MRNIP: variants seen among roughly 807,000 people sequenced by gnomAD.
MRNIP encodes MRN complex-interacting protein.
A neutral mutation model predicts 29.8 loss-of-function variants in MRNIP; 30 were observed. The ratio of observed to expected loss-of-function variants is 1.01; its 90% confidence interval spans 0.75 to 1.36. The LOEUF is 1.36. MRNIP is among the 40% of genes most tolerant of loss of function. The pLI is 0.00. For missense variants in MRNIP, 459 were observed against 423.5 expected (o/e 1.08, Z -0.74); for synonymous variants, 201 against 164.1 (o/e 1.23, Z -1.72).
At chr5:179,844,264 G>T in intron 3 of MRNIP, 37 bp from the exon 4 acceptor site, 1 of 1,567,400 alleles carries the variant, frequency 6.4e-7, no homozygotes, top group South Asian at 1.1e-5. Context: ...TTTGAAAAAT[G>T]ACCAGGGGCT....
At position 179,848,046 on chromosome 5, in the gene MRNIP, A is replaced by C; in HGVS notation, c.147T>G (p.Gly49=). Residue 49 remains glycine (G), a synonymous_variant, in exon 3 of 7, where the codon GGT becomes GGG. Coordinates refer to ENST00000292586, the MANE Select transcript of MRNIP (RefSeq NM_016175.4). ...TTTGGACATGGCGTCTACAATCAGC[A>C]CCAGAGCCTTCACCATAAGCCTGAG... The part of the protein sequence containing the change: ...SFLQAYGEGS[G]ADCRRHVQKL... 6.2e-7 allele frequency: 1 copy of C among 1,614,024 alleles called. No individual in the cohort carries two copies. Among genetic ancestry groups the C allele is most frequent in the Non-Finnish European group, 8.5e-7 (1 of 1,179,876 alleles).
chr5:179,851,222 C>A (rs1759352894), intron 2 of MRNIP: 1 of 455,536 alleles, frequency 2.2e-6, no homozygotes. Flanking sequence ...GCCATGCTCA[C>A]CATGTGGGGT....
intron 4 of MRNIP, among the ~76,000 whole-genome samples, chr5:179,843,185 G>GAA (rs1257411872): frequency 6.6e-6 from 1 of 151,918 alleles, no homozygotes; most frequent in Non-Finnish European, 1.5e-5. Context: ...TTTGTTTTTT[G>GAA]AGACGTTGGG....
chr5:179,844,351 G>A (rs770413976), intron 3 of MRNIP, 124 bp from the exon 4 acceptor site: 27 of 737,176 alleles, frequency 3.7e-5, no homozygotes, highest in East Asian at 5.1e-5. Context: ...TCAGGAGTTC[G>A]AGACAAGTCT....
At position 179,837,339 on chromosome 5, in the gene MRNIP, A is replaced by C. The variant is rs1328205017; in HGVS notation, c.*52T>G. 6.3e-7 allele frequency: 1 copy of C among 1,585,242 alleles called. No individual in the cohort carries two copies. Among genetic ancestry groups the C allele is most frequent in the East Asian group, 2.2e-5 (1 of 44,654 alleles). ...GTATCTTTAAAAGTGCCTTAGGGGA[A>C]CCCTGTCCCTCCTAACAAGTGTATC... On this transcript the variant is annotated 3_prime_UTR_variant, in exon 7 of 7. Coordinates refer to ENST00000292586, the MANE Select transcript of MRNIP (RefSeq NM_016175.4).
intron 2 of MRNIP, among the ~76,000 whole-genome samples, chr5:179,850,549 CG>C (rs1008560393): frequency 6.6e-6 from 1 of 152,178 alleles, no homozygotes; most frequent in African/African-American, 2.4e-5. Context: ...GAGAACCAAC[CG>C]TTGTTTTTAG....
At chr5:179,857,678 A>G (rs1304959286) in intron 1 of MRNIP, among the ~76,000 whole-genome samples, 1 of 152,160 alleles carries the variant, frequency 6.6e-6, no homozygotes, top group Non-Finnish European at 1.5e-5. Flanking sequence ...TTACAGACAC[A>G]TACTCAGCAT....
At position 179,837,383 on chromosome 5, in the gene MRNIP, G is replaced by C. The variant is rs766053650; in HGVS notation, c.*8C>G. ...GTGTATCTCGATTAATAACCTGCCA[G>C]TCCCAGATCACACATCATCATCGAA... On this transcript the variant is annotated 3_prime_UTR_variant, in exon 7 of 7. Transcript: ENST00000292586. 6.3e-7 allele frequency: 1 copy of C among 1,585,598 alleles called. No individual in the cohort carries two copies. The highest frequency in any genetic ancestry group is 8.6e-7 in the Non-Finnish European group (1 of 1,164,356).
At chr5:179,852,736 C>G (rs1290803152) in intron 2 of MRNIP, among the ~76,000 whole-genome samples, 1 of 152,166 alleles carries the variant, frequency 6.6e-6, no homozygotes, top group African/African-American at 2.4e-5. Flanking sequence ...AGAGGTGGCA[C>G]TGGGGCTGGA....
chr5:179,847,751 AAT>A (rs1427110726), intron 3 of MRNIP: 3 of 468,280 alleles, frequency 6.4e-6, no homozygotes, highest in Non-Finnish European at 1.2e-5. Flanking sequence ...CATCACAGGT[AAT>A]CAGGTGAGAA....
At chr5:179,854,400 A>G (rs1392572018) in intron 1 of MRNIP, among the ~76,000 whole-genome samples, 2 of 152,254 alleles carry the variant, frequency 1.3e-5, no homozygotes, top group Non-Finnish European at 2.9e-5. Context: ...GCGTATCATA[A>G]TCATAAAGGT....
intron 6 of MRNIP, chr5:179,838,152 G>C: frequency 3.7e-6 from 2 of 542,014 alleles, no homozygotes; most frequent in Non-Finnish European, 3.3e-6. Context: ...CCATCTCCTG[G>C]GGACCTTAGA....
chr5:179,853,641 G>A (rs902246882), intron 1 of MRNIP, among the ~76,000 whole-genome samples: 3 of 151,728 alleles, frequency 2.0e-5, no homozygotes, highest in Non-Finnish European at 4.4e-5. Flanking sequence ...GCATGGTGGC[G>A]GGCACCTGTA....
intron 2 of MRNIP, 28 bp downstream of exon 2, chr5:179,853,350 C>T: frequency 1.2e-6 from 2 of 1,610,216 alleles, no homozygotes; most frequent in East Asian, 2.2e-5. Flanking sequence ...GCCTGCGCCC[C>T]ACTTGCTTTC....
intron 6 of MRNIP, 41 bp from the exon 7 acceptor site, chr5:179,837,926 A>G: frequency 6.3e-7 from 1 of 1,574,872 alleles, no homozygotes; most frequent in East Asian, 2.2e-5. Flanking sequence ...TGTAAGAACA[A>G]TGCCAGGGCC....
chr5:179,843,388 G>C (rs554599046), intron 4 of MRNIP, among the ~76,000 whole-genome samples: 7 of 152,182 alleles, frequency 4.6e-5, no homozygotes, highest in African/African-American at 1.7e-4. Context: ...TCTGTAAATG[G>C]ACTGAATTGG....
intron 1 of MRNIP, among the ~76,000 whole-genome samples, chr5:179,856,910 C>T (rs751106879): frequency 3.3e-5 from 5 of 151,856 alleles, no homozygotes; most frequent in Admixed American, 2.6e-4. Context: ...GCAACACGGC[C>T]GAAACCTCAT....
intron 2 of MRNIP, among the ~76,000 whole-genome samples, chr5:179,850,203 G>A (rs1255569764): frequency 6.6e-6 from 1 of 151,292 alleles, no homozygotes; most frequent in Non-Finnish European, 1.5e-5. Flanking sequence ...GGTACAAGAC[G>A]GAATTTGAGA....
At position 179,844,207 on chromosome 5, in the gene MRNIP, C is replaced by G. The variant is rs747765828; in HGVS notation, c.236G>C (p.Ser79Thr). ...LPLRSLEETV[S>T]ASEEENVGHQ... ...TCCCACGTTTTCTTCTTCACTGGCA[C>G]TGACAGTTTCTTCTAGAGACCTTCA... The change falls in exon 4 of 7, where the codon AGT becomes ACT. Residue 79 changes from serine to threonine, a missense_variant. Physicochemically the swap from Ser to Thr is moderately conservative, Grantham distance 58. Coordinates refer to ENST00000292586, the MANE Select transcript of MRNIP (RefSeq NM_016175.4). 1.2e-6 allele frequency: 2 copies of G among 1,614,024 alleles called. No homozygotes were observed. Among genetic ancestry groups the G allele is most frequent in the African/African-American group, 2.7e-5 (2 of 74,932 alleles).
Sources: allele counts gnomAD v4.1 joint callset (sites outside exome capture counted in the v4.1 genomes callset), GRCh38; gene constraint gnomAD v4.1.1; transcripts MANE v1.5; gene names NCBI Gene and HGNC (gene_info 2026-07-23, HGNC 2026-07-21).